The following USP31 variants were observed in gnomAD, a reference collection of about 807,000 sequenced individuals.
USP31 encodes ubiquitin specific peptidase 31.
In USP31, 44 loss-of-function variants were observed where a neutral mutation model predicts 119.4. The observed-to-expected ratio is 0.37, with a 90% confidence interval of 0.29 to 0.47. The LOEUF (loss-of-function observed/expected upper bound fraction) is 0.47. Ranked by LOEUF, USP31 falls within the 20% of genes least tolerant of loss-of-function variation. The pLI is 0.99. For missense variants in USP31, 1,643 were observed against 1,730.2 expected, an observed-to-expected ratio of 0.95 and a Z score of 0.89; for synonymous variants, 749 against 705.6, an observed-to-expected ratio of 1.06 and a Z score of -0.97.
At chr16:23,114,734 G>A (rs1427959965) in intron 1 of USP31, among the ~76,000 whole-genome samples, 2 of 152,172 alleles carry the variant, frequency 1.3e-5, no homozygotes, top group African/African-American at 2.4e-5. Flanking sequence ...ACAGGTAACA[G>A]AACGTCCACA....
chr16:23,090,430 C>A (rs1272595714), intron 7 of USP31, among the ~76,000 whole-genome samples, 194 bp downstream of exon 7: 1 of 151,920 alleles, frequency 6.6e-6, no homozygotes, highest in Admixed American at 6.6e-5. Context: ...CAACAAAAAA[C>A]CCCAGATTCC....
intron 1 of USP31, among the ~76,000 whole-genome samples, chr16:23,133,816 CTA>C (rs1903102108): frequency 6.6e-6 from 1 of 151,878 alleles, no homozygotes; most frequent in African/African-American, 2.4e-5. Context: ...TGGCTCATGC[CTA>C]TAATCTCAGC....
intron 1 of USP31, among the ~76,000 whole-genome samples, chr16:23,117,751 C>CTTTTTTTTTTTTTTTTTT (rs67615111): frequency 7.1e-6 from 1 of 141,596 alleles, no homozygotes; most frequent in African/African-American, 2.6e-5. Flanking sequence ...TTTTCCTTTT[C>CTTTTTTTTTTTTTTTTTT]TTTTTTTTTT....
rs532817382 is a variant in USP31 at position 23,141,376 on chromosome 16, C to A, written c.633+7262G>T. Among the ~76,000 whole-genome samples, 31 of 148,278 alleles carry A rather than the reference C, an allele frequency of 2.1e-4. No homozygotes were observed. The East Asian group carries it at 4.9e-3, about 23-fold the overall frequency. Reference sequence around the variant, plus strand: ...TATCTATTTCTCTTTAGCATTTATACAATAATTTTTTTTTTTTTTTGGACA... The same window carrying A: ...TATCTATTTCTCTTTAGCATTTATAAAATAATTTTTTTTTTTTTTTGGACA... On this transcript the variant is annotated intron_variant, in intron 1 of 15. Coordinates refer to ENST00000219689, the MANE Select transcript of USP31 (RefSeq NM_020718.4).
intron 1 of USP31, 130 bp downstream of exon 1, chr16:23,148,508 G>A (rs1056947195): frequency 7.9e-7 from 1 of 1,271,424 alleles, no homozygotes; most frequent in African/African-American, 1.6e-5. Context: ...CTGGTCGACT[G>A]CCCAGACCAC....
chr16:23,130,410 ACCC>A (rs10709257), intron 1 of USP31, among the ~76,000 whole-genome samples: 1 of 144,268 alleles, frequency 6.9e-6, no homozygotes, highest in African/African-American at 2.5e-5. Flanking sequence ...ACAAAGTGAC[ACCC>A]CCCCCCCAAC....
At chr16:23,092,708 G>C (rs144180497) in intron 6 of USP31, among the ~76,000 whole-genome samples, 1 of 152,248 alleles carries the variant, frequency 6.6e-6, no homozygotes, top group East Asian at 1.9e-4. Context: ...CTGGGTCAAA[G>C]AAGAATAAGT....
At chr16:23,118,963 G>C (rs1902581996) in intron 1 of USP31, among the ~76,000 whole-genome samples, 1 of 151,558 alleles carries the variant, frequency 6.6e-6, no homozygotes, top group African/African-American at 2.4e-5. Context: ...ACACTGCAAG[G>C]CTCTGTCTCA....
At chr16:23,103,592 A>G (rs1233590654) in intron 5 of USP31, among the ~76,000 whole-genome samples, 2 of 152,248 alleles carry the variant, frequency 1.3e-5, no homozygotes, top group African/African-American at 4.8e-5. Flanking sequence ...TCTTTCTGTT[A>G]TATTTCTGAA....
At position 23,080,005 on chromosome 16, in the gene USP31, A is replaced by T; in HGVS notation, c.2117T>A (p.Ile706Asn). ...ATTGCACACAGCATACAGGTCATAGATGTAGTCCTCAGGGTCCCTCCCGAG... is the reference window on the plus strand; with the variant it reads ...ATTGCACACAGCATACAGGTCATAGTTGTAGTCCTCAGGGTCCCTCCCGAG... Reference protein sequence around the residue: ...YGLGRDPEDYIYDLYAVCNHH... With the variant: ...YGLGRDPEDYNYDLYAVCNHH... The change falls in exon 13 of 16, where the codon ATC becomes AAC. Residue 706 changes from isoleucine (I) to asparagine (N), a missense_variant. Around this residue, in one of 5 missense-constraint regions of USP31, gnomAD observed 279 missense variants for 372.2 expected, o/e 0.75. Coordinates refer to ENST00000219689, the MANE Select transcript of USP31 (RefSeq NM_020718.4). The T allele has an allele frequency of 6.2e-7, 1 of 1,613,950 alleles. No homozygotes were observed. Among genetic ancestry groups the T allele is most frequent in the South Asian group, 1.1e-5 (1 of 91,054 alleles).
Position 23,068,157 on chromosome 16 carries a change from T to C in USP31, c.3948A>G (p.Leu1316=). Reference sequence around the variant, plus strand: ...CCGGAGACGAGGGAACTCCAGAGTCTAGTTGGGAAGACTTGGATTTGCGAG... The same window carrying C: ...CCGGAGACGAGGGAACTCCAGAGTCCAGTTGGGAAGACTTGGATTTGCGAG... The part of the protein sequence containing the change: ...LSARKSKSSQ[L]DSGVPSSPGG... Residue 1316 remains leucine (L), a synonymous_variant, in exon 16 of 16, where the codon CTA becomes CTG. Transcript: ENST00000219689. The C allele has an allele frequency of 1.9e-6, 3 of 1,614,188 alleles. No individual in the cohort carries two copies. Among genetic ancestry groups the C allele is most frequent in the African/African-American group, 1.3e-5 (1 of 75,044 alleles).
At position 23,082,506 on chromosome 16, in the gene USP31, C is replaced by G; in HGVS notation, c.1882G>C (p.Gly628Arg). The stretch of plus-strand genomic sequence containing the variant: ...GTCCAGAGGCTTAACGTAATGCTTC[C>G]CTGCTGCAGCTGCTTACAGTGTGGG... ...RCPHCKQLQQGSITLSLWTLP... is the reference protein window; with the variant it reads ...RCPHCKQLQQRSITLSLWTLP... Residue 628 changes from glycine (G) to arginine (R), a missense_variant, in exon 12 of 16, where the codon GGA becomes CGA. Around this residue, in one of 5 missense-constraint regions of USP31, gnomAD observed 279 missense variants for 372.2 expected, o/e 0.75. Transcript: ENST00000219689. The G allele has an allele frequency of 6.2e-7, 1 of 1,614,184 alleles. No individual in the cohort carries two copies. The highest frequency in any genetic ancestry group is 2.2e-5 in the East Asian group (1 of 44,886).
Position 23,136,670 on chromosome 16 carries a change from C to T in USP31, c.633+11968G>A, listed in dbSNP as rs1274994614. 2.0e-5 allele frequency among the ~76,000 whole-genome samples: 3 copies of T among 148,304 alleles called. No homozygotes were observed. The South Asian group carries it at 6.4e-4, about 32-fold the overall frequency. On this transcript the variant is annotated intron_variant, in intron 1 of 15. Transcript: ENST00000219689. ...CTTCATCTCAAAAAAAAAAAAAAAA[C>T]TTTTGTGCCTGAAAAGGCACTACCA...
At chr16:23,084,732 G>A (rs543773141) in intron 11 of USP31, 128 bp downstream of exon 11, 1 of 1,241,504 alleles carries the variant, frequency 8.1e-7, no homozygotes, top group South Asian at 1.5e-5. Context: ...CTCATTACAT[G>A]TGCAGACTTA....
chr16:23,121,868 T>C (rs920495763), intron 1 of USP31, among the ~76,000 whole-genome samples: 1 of 152,176 alleles, frequency 6.6e-6, no homozygotes. Flanking sequence ...TCGTTTTATA[T>C]AGCCTCAAGA....
intron 15 of USP31, 82 bp downstream of exon 15, chr16:23,071,963 T>C: frequency 6.5e-7 from 1 of 1,528,970 alleles, no homozygotes; most frequent in Non-Finnish European, 8.8e-7. Context: ...CCTTGGGACT[T>C]AGCTCCTAGG....
In USP31 at chr16:23,069,024, G is replaced by A. The variant is rs372172803; in HGVS notation, c.3081C>T (p.Pro1027=). The change falls in exon 16 of 16, where the codon CCC becomes CCT. Residue 1027 remains proline, a synonymous_variant. Transcript: ENST00000219689. The part of the protein sequence containing the change: ...KKPESTTKRS[P]SSKGTSEPEK... ...CTGGCTCAGAAGTGCCTTTGGAACTGGGGGATCTCTTAGTTGTGCTCTCTG... is the reference window on the plus strand; with the variant it reads ...CTGGCTCAGAAGTGCCTTTGGAACTAGGGGATCTCTTAGTTGTGCTCTCTG... 5.6e-6 allele frequency: 9 copies of A among 1,613,584 alleles called. No homozygotes were observed. Among genetic ancestry groups the A allele is most frequent in the Middle Eastern group, 1.7e-4 (1 of 6,060 alleles).
At position 23,149,105 on chromosome 16, in the gene USP31, A is replaced by T. The variant is rs1168378187; in HGVS notation, c.166T>A (p.Ser56Thr). The T allele has an allele frequency of 1.6e-6, 2 of 1,258,058 alleles. No individual in the cohort carries two copies. Among genetic ancestry groups the T allele is most frequent in the African/African-American group, 1.6e-5 (1 of 63,082 alleles). 77.9% of individuals were successfully genotyped at this position (1,258,058 alleles called of 1,614,324 possible). A position where few individuals can be genotyped will look rare whatever the true frequency, so the allele number is the denominator to read the frequency against. ...PAAPSSPSSP[S>T]SARSVGSFMS... is the part of the protein sequence containing the mutation. The stretch of plus-strand genomic sequence containing the variant: ...AAGCTGCCCACCGAGCGTGCAGAGG[A>T]GGGCGAGGAGGGCGAGGAAGGCGCG... The change falls in exon 1 of 16, where the codon TCC (serine) becomes ACC (threonine). Residue 56 changes from serine (S) to threonine (T), a missense_variant. Ser to Thr is a moderately conservative substitution (Grantham distance 58, BLOSUM62 1). This residue lies in a region of USP31 where 302 missense variants were observed against 262.6 expected (regional missense o/e 1.15). Transcript: ENST00000219689.
intron 13 of USP31, among the ~76,000 whole-genome samples, chr16:23,075,254 G>C (rs995293446): frequency 6.6e-6 from 1 of 152,174 alleles, no homozygotes; most frequent in Admixed American, 6.5e-5. Context: ...GGTCAGGCTT[G>C]ATGCACACAT....
Sources: allele counts gnomAD v4.1 joint callset (sites outside exome capture counted in the v4.1 genomes callset), GRCh38; gene constraint gnomAD v4.1.1; regional missense constraint gnomAD v4.1.1; transcripts MANE v1.5; gene names NCBI Gene and HGNC (gene_info 2026-07-23, HGNC 2026-07-21).